Variants in RAB39B observed in about 807,000 individuals in gnomAD.
RAB39B encodes RAB39B, member RAS oncogene family, also known as ras-related protein Rab-39B.
For missense variants in RAB39B, 68 were observed against 171.3 expected (o/e 0.40, Z 3.37); for synonymous variants, 63 against 67.5 (o/e 0.93, Z 0.33).
Position 155,264,422 on chromosome X carries a change from C to T in RAB39B, c.-134G>A, listed in dbSNP as rs1180113650. 2 of 570,212 alleles carry T rather than the reference C, an allele frequency of 3.5e-6. No individual in the cohort carries two copies. Among genetic ancestry groups the T allele is most frequent in the Non-Finnish European group, 5.7e-6 (2 of 353,529 alleles). The allele number at this position is 570,212 out of a possible 1,213,427, so 47.0% of individuals were successfully genotyped here. On this transcript the variant is annotated 5_prime_UTR_variant, in exon 1 of 2. Transcript: ENST00000369454. Reference sequence around the variant, plus strand: ...GCATCGCTGGCCTGGGAGCCCGAAGCTGGGTAGGCCCAGGCGCCGGGAGAG... The same window carrying T: ...GCATCGCTGGCCTGGGAGCCCGAAGTTGGGTAGGCCCAGGCGCCGGGAGAG...
Position 155,258,473 on chromosome X carries a change from G to A in RAB39B, c.*2330C>T, listed in dbSNP as rs781923120. ...AATAGCTTCTAAAGCTTTATCCTTAGTATTATATTAACACCTGATTCTTTT... is the reference window on the plus strand; with the variant it reads ...AATAGCTTCTAAAGCTTTATCCTTAATATTATATTAACACCTGATTCTTTT... On this transcript the variant is annotated 3_prime_UTR_variant, in exon 2 of 2. Transcript: ENST00000369454. 3 of 112,271 alleles carry A rather than the reference G, an allele frequency of 2.7e-5. No homozygotes were observed. Among genetic ancestry groups the A allele is most frequent in the South Asian group, 3.6e-4 (1 of 2,741 alleles). The allele number at this position is 112,271 out of a possible 1,213,427, so 9.3% of individuals were successfully genotyped here.
At chrX:155,261,837 T>TTTATTATTA (rs781787000) in intron 1 of RAB39B, among the ~76,000 whole-genome samples, 13 of 108,279 alleles carry the variant, frequency 1.2e-4, no homozygotes, top group Admixed American at 6.9e-4. Flanking sequence ...ATTATTATTG[T>TTTATTATTA]TTATTATTAT....
In RAB39B at chrX:155,264,226, C is replaced by T. The variant is rs939734183; in HGVS notation, c.63G>A (p.Lys21=). 1 of 1,212,440 alleles carries T rather than the reference C, an allele frequency of 8.2e-7. No homozygotes were observed. The highest frequency in any genetic ancestry group is 1.1e-6 in the Non-Finnish European group (1 of 895,596). The change falls in exon 1 of 2, where the codon AAG becomes AAA. Residue 21 remains lysine (K), a synonymous_variant. Transcript: ENST00000369454. ...CGGTGAAGCGGCGGATCAGGCAGGACTTGCCCACTGTGGAATCCCCGATGA... is the reference window on the plus strand; with the variant it reads ...CGGTGAAGCGGCGGATCAGGCAGGATTTGCCCACTGTGGAATCCCCGATGA... The part of the protein sequence containing the change: ...LIVIGDSTVG[K]SCLIRRFTEG...
Position 155,260,758 on chromosome X carries a change from T to C in RAB39B, c.*45A>G. On this transcript the variant is annotated 3_prime_UTR_variant, in exon 2 of 2. Coordinates refer to ENST00000369454, the MANE Select transcript of RAB39B (RefSeq NM_171998.4). The stretch of plus-strand genomic sequence containing the variant: ...AAAGATTCTATTTATTTCTCTTACT[T>C]TTCAGTTCAAGTAGGAGAGCATGTT... The C allele has an allele frequency of 8.8e-7, 1 of 1,135,755 alleles. No individual in the cohort carries two copies. The highest frequency in any genetic ancestry group is 1.2e-6 in the Non-Finnish European group (1 of 826,228). The allele number at this position is 1,135,755 out of a possible 1,213,427, so 93.6% of individuals were successfully genotyped here.
chrX:155,263,338 G>T (rs1557314453), intron 1 of RAB39B, among the ~76,000 whole-genome samples: 1 of 112,794 alleles, frequency 8.9e-6, no homozygotes, highest in African/African-American at 3.2e-5. Context: ...ATTATTCAAT[G>T]AATTCATTGA....
At position 155,261,191 on chromosome X, in the gene RAB39B, C is replaced by T; in HGVS notation, c.254G>A (p.Gly85Asp). 1 of 1,209,725 alleles carries T rather than the reference C, an allele frequency of 8.3e-7. No individual in the cohort carries two copies. Among genetic ancestry groups the T allele is most frequent in the Non-Finnish European group, 1.1e-6 (1 of 894,482 alleles). The change falls in exon 2 of 2, where the codon GGT (glycine) becomes GAT (aspartate). Residue 85 changes from glycine (G) to aspartate (D), a missense_variant. Coordinates refer to ENST00000369454, the MANE Select transcript of RAB39B (RefSeq NM_171998.4). ...TRAYYRNSVG[G>D]LLLFDITNRR... ...GTTGGTAATGTCAAATAAGAGAAGA[C>T]CACCTACTGAGTTCCTGTAGTAGGC...
intron 1 of RAB39B, 56 bp downstream of exon 1, chrX:155,264,018 G>A: frequency 1.9e-6 from 2 of 1,064,592 alleles, no homozygotes; most frequent in Non-Finnish European, 2.6e-6. Context: ...CTCCCCAGAG[G>A]CGGTGCAAAC....
In RAB39B at chrX:155,260,143, C is replaced by CTAT. The variant is rs1057515832; in HGVS notation, c.*659_*660insATA. 2 of 112,633 alleles carry CTAT rather than the reference C, an allele frequency of 1.8e-5. No homozygotes were observed. The highest frequency in any genetic ancestry group is 3.7e-5 in the Non-Finnish European group (2 of 53,398). 9.3% of individuals were successfully genotyped at this position (112,633 alleles called of 1,213,427 possible). A position where few individuals can be genotyped will look rare whatever the true frequency, so the allele number is the denominator to read the frequency against. On this transcript the variant is annotated 3_prime_UTR_variant, in exon 2 of 2. Transcript: ENST00000369454. ...GCATGGGACAATTTGTTTCATACAG[C>CTAT]TGGTAATTCTATCACAAGGGTGTTC... is the stretch of plus-strand genomic sequence containing the variant.
intron 1 of RAB39B, 119 bp downstream of exon 1, chrX:155,263,955 C>T (rs1008339567): frequency 1.4e-5 from 10 of 700,866 alleles, no homozygotes; most frequent in Non-Finnish European, 2.2e-5. Flanking sequence ...GCAGAATCCT[C>T]AAGACCCTTG....
Position 155,260,561 on chromosome X carries a change from C to T in RAB39B, c.*242G>A, listed in dbSNP as rs190619838. ...CCACAAAGGGCTCATGGAGCAGCCA[C>T]TGCCTAGCATGGGCCACAAAACAGT... On this transcript the variant is annotated 3_prime_UTR_variant, in exon 2 of 2. Transcript: ENST00000369454. 51 of 416,060 alleles carry T rather than the reference C, an allele frequency of 1.2e-4. No homozygotes were observed. The Admixed American group carries it at 1.7e-3, about 14-fold the overall frequency. The allele number at this position is 416,060 out of a possible 1,213,427, so 34.3% of individuals were successfully genotyped here. A position where few individuals can be genotyped will look rare whatever the true frequency, so the allele number is the denominator to read the frequency against.
intron 1 of RAB39B, among the ~76,000 whole-genome samples, chrX:155,262,679 A>T (rs1375750987): frequency 1.8e-5 from 2 of 112,333 alleles, no homozygotes; most frequent in Non-Finnish European, 3.8e-5. Context: ...GACAGATGAT[A>T]AACTAGGAAT....
chrX:155,264,305 G>T lies in RAB39B; in HGVS notation c.-17C>A, dbSNP rs781802915. 3 of 1,201,788 alleles carry T rather than the reference G, an allele frequency of 2.5e-6. No individual in the cohort carries two copies. In the East Asian group the frequency reaches 8.9e-5, roughly 36 times the overall value. ...GGCCTCCATGGCCGCGGCTCTGCAG[G>T]TCTCCTTGGCCCGGACCGGGGACGG... On this transcript the variant is annotated 5_prime_UTR_variant, in exon 1 of 2. Transcript: ENST00000369454.
chrX:155,260,901 T>C lies in RAB39B; in HGVS notation c.544A>G (p.Ile182Val), dbSNP rs782331351. ...YELVKRGEITIQEGWEGVKSG... is the reference protein window; with the variant it reads ...YELVKRGEITVQEGWEGVKSG... ...TTCACCCCTTCCCAGCCCTCCTGGA[T>C]TGTAATCTCCCCCCTTTTAACCAGC... Residue 182 changes from isoleucine to valine, a missense_variant, in exon 2 of 2, where the codon ATC becomes GTC. By Grantham distance (29) the Ile-to-Val change is conservative (BLOSUM62 3). Coordinates refer to ENST00000369454, the MANE Select transcript of RAB39B (RefSeq NM_171998.4). 8.3e-7 allele frequency: 1 copy of C among 1,211,455 alleles called. No individual in the cohort carries two copies. Among genetic ancestry groups the C allele is most frequent in the African/African-American group, 1.7e-5 (1 of 57,868 alleles).
At position 155,260,738 on chromosome X, in the gene RAB39B, T is replaced by C. The variant is rs900423679; in HGVS notation, c.*65A>G. 42 of 1,065,732 alleles carry C rather than the reference T, an allele frequency of 3.9e-5. No homozygotes were observed. Among genetic ancestry groups the C allele is most frequent in the Non-Finnish European group, 5.4e-5 (41 of 764,230 alleles). The allele number at this position is 1,065,732 out of a possible 1,213,427, so 87.8% of individuals were successfully genotyped here. A position where few individuals can be genotyped will look rare whatever the true frequency, so the allele number is the denominator to read the frequency against. ...TGAGTTCTCATCAGTTACACAAAGA[T>C]TCTATTTATTTCTCTTACTTTTCAG... On this transcript the variant is annotated 3_prime_UTR_variant, in exon 2 of 2. Coordinates refer to ENST00000369454, the MANE Select transcript of RAB39B (RefSeq NM_171998.4).
chrX:155,260,990 G>A lies in RAB39B; in HGVS notation c.455C>T (p.Thr152Met), dbSNP rs2124126522. 8.3e-7 allele frequency: 1 copy of A among 1,211,585 alleles called. No individual in the cohort carries two copies. Among genetic ancestry groups the A allele is most frequent in the Non-Finnish European group, 1.1e-6 (1 of 895,399 alleles). The change falls in exon 2 of 2, where the codon ACG (threonine) becomes ATG (methionine). Residue 152 changes from threonine (T) to methionine (M), a missense_variant. Physicochemically the swap from Thr to Met is moderately conservative, Grantham distance 81 (BLOSUM62 -1). Coordinates refer to ENST00000369454, the MANE Select transcript of RAB39B (RefSeq NM_171998.4). The stretch of plus-strand genomic sequence containing the variant: ...CACATTAATGGCATCTCGGGCTGAC[G>A]TTTCAATGTACTTCATGCCGTATGC... ...AAAYGMKYIE[T>M]SARDAINVEK...
At position 155,259,476 on chromosome X, in the gene RAB39B, T is replaced by A. The variant is rs1484624879; in HGVS notation, c.*1327A>T. On this transcript the variant is annotated 3_prime_UTR_variant, in exon 2 of 2. Transcript: ENST00000369454. ...TGTACGTGGTTCCTTTCAATAAAAA[T>A]CCACTGTGTCTCAGTGATAAGAACA... The A allele has an allele frequency of 9.0e-6, 1 of 111,688 alleles. No homozygotes were observed. Among genetic ancestry groups the A allele is most frequent in the African/African-American group, 3.3e-5 (1 of 30,648 alleles). The allele number at this position is 111,688 out of a possible 1,213,427, so 9.2% of individuals were successfully genotyped here.
intron 1 of RAB39B, among the ~76,000 whole-genome samples, chrX:155,263,721 G>C (rs1160671286): frequency 2.7e-5 from 3 of 112,758 alleles, no homozygotes; most frequent in Non-Finnish European, 5.6e-5. Context: ...TTAAATCTCT[G>C]TCAGTTATGT....
chrX:155,262,916 T>C (rs2074858049), intron 1 of RAB39B, among the ~76,000 whole-genome samples: 1 of 112,495 alleles, frequency 8.9e-6, no homozygotes, highest in African/African-American at 3.2e-5. Context: ...GTGGTGTTTG[T>C]GGAAGTGGGG....
chrX:155,264,396 C>G lies in RAB39B; in HGVS notation c.-108G>C, dbSNP rs2074862971. 2 of 766,892 alleles carry G rather than the reference C, an allele frequency of 2.6e-6. No homozygotes were observed. The highest frequency in any genetic ancestry group is 4.6e-5 in the South Asian group (2 of 43,464). The allele number at this position is 766,892 out of a possible 1,213,427, so 63.2% of individuals were successfully genotyped here. The stretch of plus-strand genomic sequence containing the variant: ...CGGCAGGATCTAGCTCAGCCGCGAG[C>G]GCATCGCTGGCCTGGGAGCCCGAAG... On this transcript the variant is annotated 5_prime_UTR_variant, in exon 1 of 2. Transcript: ENST00000369454.
Sources: gnomAD v4.1 joint callset for allele counts (sites outside exome capture counted in the v4.1 genomes callset) on GRCh38, gnomAD v4.1.1 for gene constraint, MANE v1.5 for transcripts, NCBI Gene and HGNC (gene_info 2026-07-23, HGNC 2026-07-21) for gene names.